Variants in PREX1 observed in about 807,000 individuals in gnomAD.
The protein encoded by PREX1 is phosphatidylinositol-3,4,5-trisphosphate dependent Rac exchange factor 1.
In PREX1, 41 loss-of-function variants were observed where a neutral mutation model predicts 198.3. The ratio of observed to expected loss-of-function variants is 0.21; its 90% confidence interval spans 0.16 to 0.27. The LOEUF (loss-of-function observed/expected upper bound fraction) is 0.27. PREX1 is among the 10% of genes least tolerant of loss of function. PREX1 has a pLI of 1.00. For synonymous variants in PREX1, 843 were observed against 887.2 expected, an observed-to-expected ratio of 0.95 and a Z score of 0.89; for missense variants, 1,620 against 2,200.7, an observed-to-expected ratio of 0.74 and a Z score of 5.28.
intron 1 of PREX1, among the ~76,000 whole-genome samples, chr20:48,777,064 G>C (rs1568860374): frequency 6.6e-6 from 1 of 152,132 alleles, no homozygotes; most frequent in Non-Finnish European, 1.5e-5. Flanking sequence ...AATAATAGTT[G>C]CTGTTGTTTA....
chr20:48,734,777 G>T, intron 3 of PREX1, 127 bp from the exon 4 acceptor site: 1 of 720,520 alleles, frequency 1.4e-6, no homozygotes, highest in Non-Finnish European at 2.4e-6. Flanking sequence ...AGCTACAGCA[G>T]GAGGTATCTC....
intron 29 of PREX1, among the ~76,000 whole-genome samples, chr20:48,640,525 G>A (rs2089400943): frequency 6.6e-6 from 1 of 152,162 alleles, no homozygotes; most frequent in Non-Finnish European, 1.5e-5. Flanking sequence ...AGCTGATCCT[G>A]AGACAGCAGG....
Position 48,678,414 on chromosome 20 carries a change from G to A in PREX1, c.1589+946C>T, listed in dbSNP as rs140701269. 2.0e-3 allele frequency among the ~76,000 whole-genome samples: 306 copies of A among 151,980 alleles called. 1 individual carries two copies. The highest frequency in any genetic ancestry group is 7.1e-3 in the African/African-American group (293 of 41,436). ...TGAGCCTGGAGGTTGAGACTGCAGT[G>A]AGCTGTGATTGCACCACTGCAATCC... On this transcript the variant is annotated intron_variant, in intron 13 of 39. Transcript: ENST00000371941.
At chr20:48,882,024 G>A in the PREX1 span, among the ~76,000 whole-genome samples, 1 of 148,812 alleles carries the variant, frequency 6.7e-6, no homozygotes, top group Non-Finnish European at 1.5e-5. Context: ...TTTTTATGAC[G>A]AGCTTCTTCC....
At chr20:48,878,482 G>A in the PREX1 span, among the ~76,000 whole-genome samples, 1 of 152,078 alleles carries the variant, frequency 6.6e-6, no homozygotes, top group Non-Finnish European at 1.5e-5. Flanking sequence ...TGGGATTACA[G>A]GCACGTGCCA....
At chr20:48,653,973 G>GT (rs895420480) in intron 19 of PREX1, among the ~76,000 whole-genome samples, 7 of 152,174 alleles carry the variant, frequency 4.6e-5, no homozygotes, top group South Asian at 4.2e-4. Context: ...TGAACCCAGG[G>GT]TTTTTTTTGT....
intron 5 of PREX1, among the ~76,000 whole-genome samples, chr20:48,709,148 G>A (rs6095253): frequency 6.6e-6 from 1 of 152,182 alleles, no homozygotes; most frequent in African/African-American, 2.4e-5. Flanking sequence ...TGAGGAGGAA[G>A]GGATCAGCTG....
At chr20:48,700,177 A>G (rs1482919109) in intron 7 of PREX1, among the ~76,000 whole-genome samples, 5 of 152,262 alleles carry the variant, frequency 3.3e-5, no homozygotes, top group Non-Finnish European at 7.3e-5. Context: ...CTGACCCTCC[A>G]AAAACTGAAT....
At chr20:48,692,338 G>C (rs781717861) in intron 8 of PREX1, 1 of 218,126 alleles carries the variant, frequency 4.6e-6, no homozygotes, top group Non-Finnish European at 9.3e-6. Context: ...CTCAAAAATA[G>C]AAATTTTAAT....
chr20:48,655,490 C>T, intron 18 of PREX1, 115 bp from the exon 19 acceptor site: 1 of 886,338 alleles, frequency 1.1e-6, no homozygotes, highest in Non-Finnish European at 1.7e-6. Flanking sequence ...GAAAATTCAG[C>T]CCAAAATAGT....
At chr20:48,804,292 AG>A (rs2090400563) in intron 1 of PREX1, among the ~76,000 whole-genome samples, 1 of 152,216 alleles carries the variant, frequency 6.6e-6, no homozygotes, top group South Asian at 2.1e-4. Flanking sequence ...GCGAAGGAAG[AG>A]CAGGCAAGAA....
chr20:48,661,444 A>AAAAAAAATATATATATAT (rs1555832820), intron 15 of PREX1, among the ~76,000 whole-genome samples: 8 of 49,592 alleles, frequency 1.6e-4, no homozygotes, highest in Non-Finnish European at 2.2e-4. Context: ...AAAAAAAAAA[A>AAAAAAAATATATATATAT]ATATATATAT....
chr20:48,862,578 C>A, the PREX1 span, among the ~76,000 whole-genome samples: 3 of 151,766 alleles, frequency 2.0e-5, no homozygotes, highest in African/African-American at 7.3e-5. Context: ...AAGCCACTTC[C>A]CCTCTCCAGG....
chr20:48,646,328 AGACCTG>A (rs369993148), intron 25 of PREX1, among the ~76,000 whole-genome samples: 12 of 152,238 alleles, frequency 7.9e-5, no homozygotes, highest in African/African-American at 2.4e-4. Context: ...GCAGTGGGAA[AGACCTG>A]GACAGTGTGG....
At position 48,802,470 on chromosome 20, in the gene PREX1, T is replaced by C. The variant is rs902765624; in HGVS notation, c.219+25172A>G. ...CTCTTCCTGCCTTAATTCCCATGGC[T>C]GGCTTCTCAGTGTCCAGGTCCCAGC... On this transcript the variant is annotated intron_variant, in intron 1 of 39. Transcript: ENST00000371941. Among the ~76,000 whole-genome samples the C allele has an allele frequency of 7.9e-5, 12 of 152,316 alleles. No homozygotes were observed. The East Asian group carries it at 2.3e-3, about 29-fold the overall frequency.
At chr20:48,860,064 T>G in the PREX1 span, among the ~76,000 whole-genome samples, 1 of 152,164 alleles carries the variant, frequency 6.6e-6, no homozygotes, top group Non-Finnish European at 1.5e-5. Context: ...CTTGAACAGA[T>G]ATTTGTGCAA....
rs369710395 is a variant in PREX1 at position 48,759,683 on chromosome 20, C to A, written c.220-11803G>T. ...GTAAATTATTTATTCTCTCTGCCTC[C>A]ATTTCCTCCTCTATAACGGGGGATA... On this transcript the variant is annotated intron_variant, in intron 1 of 39. Transcript: ENST00000371941. Among the ~76,000 whole-genome samples, 9 of 152,262 alleles carry A rather than the reference C, an allele frequency of 5.9e-5. No homozygotes were observed. The East Asian group carries it at 9.6e-4, about 16-fold the overall frequency.
At chr20:48,632,172 G>T in intron 35 of PREX1, 105 bp downstream of exon 35, 1 of 1,048,786 alleles carries the variant, frequency 9.5e-7, no homozygotes, top group Non-Finnish European at 1.5e-6. Flanking sequence ...AGGGTGTGCG[G>T]CCCACTGCCC....
In PREX1 at chr20:48,827,819, G is replaced by C. The variant is rs1258138551; in HGVS notation, c.42C>G (p.Ala14=). 4.0e-6 allele frequency: 4 copies of C among 1,007,196 alleles called. No homozygotes were observed. Among genetic ancestry groups the C allele is most frequent in the Admixed American group, 1.2e-4 (2 of 16,644 alleles). The allele number at this position is 1,007,196 out of a possible 1,614,324, so 62.4% of individuals were successfully genotyped here. A position where few individuals can be genotyped will look rare whatever the true frequency, so the allele number is the denominator to read the frequency against. ...PSGSEPGGDG[A]GDCAHPDPRA... ...GGGGGTCCGGGTGGGCGCAGTCCCC[G>C]GCCCCGTCGCCGCCGGGCTCGCTGC... Residue 14 remains alanine, a synonymous_variant, in exon 1 of 40, where the codon GCC becomes GCG. Coordinates refer to ENST00000371941, the MANE Select transcript of PREX1 (RefSeq NM_020820.4). This position sits in a 1 kb window ranked among gnomAD's most constrained non-coding sequence, Gnocchi z 4.1.
Sources: gnomAD v4.1 joint callset for allele counts (sites outside exome capture counted in the v4.1 genomes callset) on GRCh38, gnomAD v4.1.1 for gene constraint, Gnocchi (gnomAD v3.1) non-coding constraint, MANE v1.5 for transcripts, NCBI Gene and HGNC (gene_info 2026-07-23, HGNC 2026-07-21) for gene names.